C2orf78: variants seen among roughly 807,000 people sequenced by gnomAD.
The protein encoded by C2orf78 is chromosome 2 open reading frame 78, also known as uncharacterized protein C2orf78.
C2orf78 carries 12 observed loss-of-function variants against 21.4 expected under a neutral mutation model. That is an observed-to-expected ratio of 0.56 (90% CI 0.36 to 0.91). C2orf78 has a LOEUF of 0.91. C2orf78 is among the 40% of genes least tolerant of loss of function. The pLI, the probability that C2orf78 is intolerant of heterozygous loss-of-function variation, is 0.01. For missense variants in C2orf78, 1,042 were observed against 1,092.4 expected (o/e 0.95, Z 0.65); for synonymous variants, 396 against 413.9 (o/e 0.96, Z 0.52).
At chr2:73,813,789 A>G in exon 2 of C2orf78, 1 of 1,614,072 alleles carries the variant, frequency 6.2e-7, no homozygotes, top group Non-Finnish European at 8.5e-7. Context: ...AGCACAGTAA[A>G]GAAGTCATCC....
At chr2:73,813,767 G>A (rs764985893) in exon 2 of C2orf78, 1 of 1,613,914 alleles carries the variant, frequency 6.2e-7, no homozygotes, top group African/African-American at 1.3e-5. Context: ...TTTTGAGTGG[G>A]ATAGTACAGC....
intron 1 of C2orf78, among the ~76,000 whole-genome samples, 175 bp downstream of exon 1, chr2:73,784,581 A>G (rs1192445916): frequency 6.6e-6 from 1 of 151,362 alleles, no homozygotes; most frequent in African/African-American, 2.5e-5. Context: ...GTGACTTTAG[A>G]TAACTTTTAT....
intron 2 of C2orf78, 102 bp downstream of exon 2, chr2:73,814,328 C>T: frequency 1.6e-6 from 2 of 1,285,178 alleles, no homozygotes; most frequent in Non-Finnish European, 2.1e-6. Context: ...GAATTTAAGT[C>T]CTGAGACTTC....
chr2:73,815,783 A>G, exon 3 of C2orf78: 3 of 1,613,866 alleles, frequency 1.9e-6, no homozygotes, highest in Non-Finnish European at 2.5e-6. Context: ...AAATCCAGCC[A>G]AAGAACCCAG....
exon 3 of C2orf78, chr2:73,817,144 T>A: frequency 1.2e-6 from 1 of 854,700 alleles, no homozygotes; most frequent in Non-Finnish European, 1.6e-6. Flanking sequence ...CCTTTTGAGT[T>A]TTGAGATGCT....
chr2:73,816,430 G>A lies in C2orf78; in HGVS notation c.2207G>A (p.Arg736Gln), dbSNP rs761384223. ...CAACCTCAAGCTCGACATGTTTCTC[G>A]GCGGCCAAACCCTCTAGCCTCACGT... Residue 736 changes from arginine to glutamine, a missense_variant, in exon 3 of 3, where the codon CGG (arginine) becomes CAG (glutamine). Coordinates refer to ENST00000409561, the Ensembl canonical transcript of C2orf78. 27 of 1,613,878 alleles carry A rather than the reference G, an allele frequency of 1.7e-5. No individual in the cohort carries two copies. The East Asian group carries it at 3.8e-4, about 23-fold the overall frequency.
chr2:73,809,275 T>G (rs1673022929), intron 1 of C2orf78, among the ~76,000 whole-genome samples: 1 of 152,154 alleles, frequency 6.6e-6, no homozygotes, highest in Admixed American at 6.5e-5. Context: ...AAACTAGCAA[T>G]ATATTCTGAG....
intron 1 of C2orf78, among the ~76,000 whole-genome samples, chr2:73,809,585 C>T (rs1673029797): frequency 6.6e-6 from 1 of 151,810 alleles, no homozygotes; most frequent in African/African-American, 2.4e-5. Context: ...TAGGAGTTCC[C>T]GGCCAGTCTG....
chr2:73,809,688 G>T (rs1216130818), intron 1 of C2orf78, among the ~76,000 whole-genome samples: 2 of 152,150 alleles, frequency 1.3e-5, no homozygotes. Flanking sequence ...GAGGTGGGAG[G>T]ATCAGACGCT....
chr2:73,816,433 G>A (rs1269480045), exon 3 of C2orf78: 14 of 1,613,850 alleles, frequency 8.7e-6, no homozygotes, highest in East Asian at 6.7e-5. Flanking sequence ...GTTTCTCGGC[G>A]GCCAAACCCT....
chr2:73,808,276 A>T (rs1416709673), intron 1 of C2orf78, among the ~76,000 whole-genome samples: 1 of 151,052 alleles, frequency 6.6e-6, no homozygotes, highest in Admixed American at 6.6e-5. Flanking sequence ...ATAAAATAAA[A>T]AAGCAGCAGT....
rs781148066 is a variant in C2orf78 at position 73,815,790 on chromosome 2, C to G, written c.1567C>G (p.Pro523Ala). The G allele has an allele frequency of 6.2e-6, 10 of 1,613,752 alleles. No individual in the cohort carries two copies. In the Admixed American group the frequency reaches 1.7e-4, roughly 27 times the overall value. ...CAAGGCCAAAATCCAGCCAAAGAAC[C>G]CAGAGTGCCTATTAGAGAGAGAAGT... Residue 523 changes from proline to alanine, a missense_variant, in exon 3 of 3, where the codon CCA becomes GCA. By Grantham distance (27) the Pro-to-Ala change is conservative. Around this residue, in one of 2 missense-constraint regions of C2orf78, gnomAD observed 1,039 missense variants for 1,069.7 expected, o/e 0.97. Coordinates refer to ENST00000409561, the Ensembl canonical transcript of C2orf78.
At chr2:73,786,090 G>C (rs1672924876) in intron 1 of C2orf78, among the ~76,000 whole-genome samples, 1 of 151,746 alleles carries the variant, frequency 6.6e-6, no homozygotes, top group Non-Finnish European at 1.5e-5. Flanking sequence ...TTAGAAATGA[G>C]GCTTCCAGGC....
At chr2:73,814,824 A>T (rs1191913140) in intron 2 of C2orf78, among the ~76,000 whole-genome samples, 1 of 152,222 alleles carries the variant, frequency 6.6e-6, no homozygotes, top group East Asian at 1.9e-4. Flanking sequence ...TTTAAAAATC[A>T]CTTTCACTTT....
intron 1 of C2orf78, among the ~76,000 whole-genome samples, chr2:73,810,165 C>T (rs1235891949): frequency 1.3e-5 from 2 of 151,888 alleles, no homozygotes; most frequent in African/African-American, 4.9e-5. Context: ...AAGTCATATT[C>T]AGTTGTTTTT....
At chr2:73,815,691 T>C in exon 3 of C2orf78, 2 of 1,613,888 alleles carry the variant, frequency 1.2e-6, no homozygotes, top group South Asian at 1.1e-5. Flanking sequence ...GGAAAAGTCA[T>C]GTGTCATAAA....
chr2:73,815,505 C>A, exon 3 of C2orf78: 1 of 1,613,848 alleles, frequency 6.2e-7, no homozygotes, highest in Non-Finnish European at 8.5e-7. Context: ...TCTTGAGGAC[C>A]AAGGGATATT....
At chr2:73,812,354 GT>G (rs1281918949) in intron 1 of C2orf78, among the ~76,000 whole-genome samples, 2 of 152,016 alleles carry the variant, frequency 1.3e-5, no homozygotes, top group South Asian at 2.1e-4. Context: ...TATTTTGTCT[GT>G]TTTTTCAGAA....
At chr2:73,814,046 C>G in exon 2 of C2orf78, 1 of 1,613,906 alleles carries the variant, frequency 6.2e-7, no homozygotes, top group Non-Finnish European at 8.5e-7. Flanking sequence ...GGGGCCTCAA[C>G]TATCCTGCCT....
Sources: gnomAD v4.1 joint callset for allele counts (sites outside exome capture counted in the v4.1 genomes callset) on GRCh38, gnomAD v4.1.1 for gene constraint, gnomAD v4.1.1 regional missense constraint, MANE v1.5 for transcripts, NCBI Gene and HGNC (gene_info 2026-07-23, HGNC 2026-07-21) for gene names.